CAST: variants seen among roughly 807,000 people sequenced by gnomAD.
CAST encodes the protein calpastatin.
Under a neutral mutation model 119.6 loss-of-function variants are expected in CAST, and 76 were observed. The ratio of observed to expected loss-of-function variants is 0.64; its 90% CI spans 0.53 to 0.77. CAST has a LOEUF of 0.77. Ranked by LOEUF, CAST falls within the 30% of genes least tolerant of loss-of-function variation. CAST has a pLI of 0.00. For synonymous variants in CAST, 319 were observed against 331.6 expected (o/e 0.96, Z 0.41); for missense variants, 953 against 946.5 (o/e 1.01, Z -0.09).
the CAST span, among the ~76,000 whole-genome samples, chr5:96,306,762 A>G: frequency 6.6e-6 from 1 of 152,068 alleles, no homozygotes; most frequent in Non-Finnish European, 1.5e-5. Context: ...TGTGGTTTTG[A>G]GTGAGTTTCT....
the CAST span, among the ~76,000 whole-genome samples, chr5:96,435,037 TC>T: frequency 1.3e-5 from 2 of 152,222 alleles, no homozygotes. Context: ...TGTCTTCTTT[TC>T]CCTTCACACC....
At chr5:95,998,005 G>A in the CAST span, among the ~76,000 whole-genome samples, 2 of 143,860 alleles carry the variant, frequency 1.4e-5, no homozygotes, top group African/African-American at 2.6e-5. Context: ...GGGTGGAGGT[G>A]AGGAGAGTAG....
intron 1 of CAST, among the ~76,000 whole-genome samples, chr5:96,576,973 C>T (rs1032882626): frequency 6.6e-6 from 1 of 152,120 alleles, no homozygotes; most frequent in African/African-American, 2.4e-5. Context: ...TTCCCTAATG[C>T]TCTTCCCATC....
chr5:96,339,622 G>A, the CAST span, among the ~76,000 whole-genome samples: 155 of 152,282 alleles, frequency 1.0e-3, 1 homozygote, highest in African/African-American at 3.6e-3. Flanking sequence ...AAGTGACAAG[G>A]ACACCTAACA....
intron 9 of CAST, among the ~76,000 whole-genome samples, chr5:96,735,882 C>T (rs1761530352): frequency 6.6e-6 from 1 of 152,176 alleles, no homozygotes; most frequent in Non-Finnish European, 1.5e-5. Flanking sequence ...TGGAGAAGAA[C>T]AGCGAGGAAA....
chr5:96,716,055 A>G (rs936983565), intron 3 of CAST, among the ~76,000 whole-genome samples: 1 of 152,258 alleles, frequency 6.6e-6, no homozygotes, highest in South Asian at 2.1e-4. Context: ...GTAAGAATGT[A>G]TGTCATGGTG....
chr5:96,771,596 C>T lies in CAST; in HGVS notation c.2341-48C>T, dbSNP rs186869487. 47 of 1,525,116 alleles carry T rather than the reference C, an allele frequency of 3.1e-5. No individual in the cohort carries two copies. The Middle Eastern group carries it at 1.2e-3, about 39-fold the overall frequency. The allele number at this position is 1,525,116 out of a possible 1,614,324, so 94.5% of individuals were successfully genotyped here. ...ATTCTGAGAAGGCCATCTCCTCATA[C>T]TTAATACAGAAAAGAAAGCTCACGG... On this transcript the variant is annotated intron_variant, in intron 30 of 31. Transcript: ENST00000675179.
chr5:96,397,624 A>G, the CAST span, among the ~76,000 whole-genome samples: 2 of 152,224 alleles, frequency 1.3e-5, no homozygotes, highest in Non-Finnish European at 2.9e-5. Flanking sequence ...ACAAGGAAAA[A>G]ATATGATGTT....
chr5:96,666,985 T>C (rs1351178903), intron 1 of CAST, among the ~76,000 whole-genome samples: 8 of 152,300 alleles, frequency 5.3e-5, no homozygotes, highest in African/African-American at 1.9e-4. Context: ...AAAGTTCTGT[T>C]CTTTGAGTTG....
At chr5:96,506,837 A>G in the CAST span, among the ~76,000 whole-genome samples, 1 of 152,230 alleles carries the variant, frequency 6.6e-6, no homozygotes, top group Non-Finnish European at 1.5e-5. Context: ...ATTCCCTCAG[A>G]GGCTGCAATG....
chr5:96,516,637 C>T, the CAST span, among the ~76,000 whole-genome samples: 3 of 152,132 alleles, frequency 2.0e-5, no homozygotes, highest in Admixed American at 6.6e-5. Context: ...TCCCTCTCCC[C>T]GCTATCAAAA....
At chr5:96,117,648 A>T in the CAST span, among the ~76,000 whole-genome samples, 1 of 152,226 alleles carries the variant, frequency 6.6e-6, no homozygotes, top group Non-Finnish European at 1.5e-5. Flanking sequence ...TTAACTGGAT[A>T]GAATAAGGAA....
At chr5:96,091,255 T>G in the CAST span, among the ~76,000 whole-genome samples, 1 of 150,892 alleles carries the variant, frequency 6.6e-6, no homozygotes, top group Admixed American at 6.6e-5. Context: ...CAGGCTGGAG[T>G]GCAGTGGCAC....
chr5:96,431,077 C>T, the CAST span, among the ~76,000 whole-genome samples: 1 of 152,154 alleles, frequency 6.6e-6, no homozygotes, highest in African/African-American at 2.4e-5. Context: ...AGTAGCTGCT[C>T]AAGGAATACA....
chr5:96,632,845 G>A (rs1046342034), intron 1 of CAST, among the ~76,000 whole-genome samples: 5 of 152,146 alleles, frequency 3.3e-5, no homozygotes, highest in East Asian at 1.9e-4. Context: ...TTTAAATTGG[G>A]AAGTGTGAGT....
At chr5:96,444,720 G>T in the CAST span, among the ~76,000 whole-genome samples, 1 of 151,828 alleles carries the variant, frequency 6.6e-6, no homozygotes, top group Non-Finnish European at 1.5e-5. Flanking sequence ...TAATGCTAGG[G>T]GGTTTTATTT....
chr5:96,210,091 G>C, the CAST span: 7 of 151,376 alleles, frequency 4.6e-5, 1 homozygote, highest in Non-Finnish European at 1.0e-4. Context: ...TTTGAACTCT[G>C]AGAGTCATTC....
At chr5:96,052,906 C>CA in the CAST span, among the ~76,000 whole-genome samples, 1,471 of 152,248 alleles carry the variant, frequency 9.7e-3, 30 homozygotes, top group African/African-American at 0.033. Context: ...GCCCTGTAGA[C>CA]AGTGGATTAG....
intron 3 of CAST, among the ~76,000 whole-genome samples, chr5:96,720,770 A>G (rs1758093809): frequency 6.6e-6 from 1 of 152,242 alleles, no homozygotes; most frequent in East Asian, 1.9e-4. Flanking sequence ...AGGCTGGACA[A>G]TTCAAGGCAA....
Sources: allele counts gnomAD v4.1 joint callset (sites outside exome capture counted in the v4.1 genomes callset), GRCh38; gene constraint gnomAD v4.1.1; transcripts MANE v1.5; gene names NCBI Gene and HGNC (gene_info 2026-07-23, HGNC 2026-07-21).